The following ST7 variants were observed in gnomAD, a reference collection of about 807,000 sequenced individuals.
ST7 encodes the protein suppressor of tumorigenicity 7 protein.
A neutral mutation model predicts 78.7 loss-of-function variants in ST7; 28 were observed. The ratio of observed to expected loss-of-function variants is 0.36; its 90% CI spans 0.26 to 0.49. ST7 has a LOEUF of 0.49. ST7 is among the 20% of genes least tolerant of loss of function. ST7 has a pLI of 0.99. For missense variants in ST7, 418 were observed against 696.0 expected, an observed-to-expected ratio of 0.60 and a Z score of 4.49; for synonymous variants, 247 against 249.6, an observed-to-expected ratio of 0.99 and a Z score of 0.10.
chr7:116,979,958 C>CTTT (rs745530832), intron 1 of ST7, among the ~76,000 whole-genome samples: 3 of 86,254 alleles, frequency 3.5e-5, no homozygotes, highest in South Asian at 4.8e-4. Context: ...TTTTGTTTCT[C>CTTT]TTTTTTTTTT....
chr7:117,225,818 G>A (rs1224475496), intron 15 of ST7, among the ~76,000 whole-genome samples: 7 of 152,202 alleles, frequency 4.6e-5, no homozygotes, highest in Non-Finnish European at 1.0e-4. Context: ...CCATAAGGAA[G>A]CCCACAGGGA....
intron 6 of ST7, 47 bp downstream of exon 6, chr7:117,132,007 G>T: frequency 2.0e-6 from 3 of 1,505,202 alleles, no homozygotes; most frequent in Non-Finnish European, 2.8e-6. Flanking sequence ...CTCATCCTTT[G>T]CTGAATATAT....
At chr7:117,129,711 A>T in intron 3 of ST7, 82 bp from the exon 4 acceptor site, 1 of 1,044,946 alleles carries the variant, frequency 9.6e-7, no homozygotes, top group Non-Finnish European at 1.5e-6. Flanking sequence ...ATCAAATGGC[A>T]GGAAGGGTGT....
At chr7:117,104,727 C>T (rs996312600) in intron 2 of ST7, among the ~76,000 whole-genome samples, 1 of 152,196 alleles carries the variant, frequency 6.6e-6, no homozygotes, top group Non-Finnish European at 1.5e-5. Context: ...AAGTACCCAT[C>T]AGTTGATGAA....
chr7:116,967,118 C>CTTT (rs35773173), intron 1 of ST7, among the ~76,000 whole-genome samples: 27 of 139,472 alleles, frequency 1.9e-4, no homozygotes, highest in African/African-American at 7.1e-4. Flanking sequence ...TTCTATCACT[C>CTTT]TTTTTTTTTT....
At chr7:117,163,808 T>C (rs1807338323) in intron 9 of ST7, among the ~76,000 whole-genome samples, 1 of 152,152 alleles carries the variant, frequency 6.6e-6, no homozygotes. Flanking sequence ...ATAATCCTAT[T>C]TATTTTTGCT....
intron 1 of ST7, among the ~76,000 whole-genome samples, chr7:117,096,108 G>C (rs564151420): frequency 5.0e-5 from 7 of 140,046 alleles, no homozygotes; most frequent in African/African-American, 1.6e-4. Context: ...AGAATATCAG[G>C]AATATCCATT....
chr7:117,221,904 C>T lies in ST7; in HGVS notation c.1499-19C>T. On this transcript the variant is annotated intron_variant, in intron 14 of 15. Coordinates refer to ENST00000323984, the MANE Select transcript of ST7 (RefSeq NM_001369598.1). ...AGTTTACTCCAGCCCTGATATTTCC[C>T]TTTTGGTCTTCTCCACAGCTTTCCA... is the stretch of plus-strand genomic sequence containing the variant. 1 of 1,599,170 alleles carries T rather than the reference C, an allele frequency of 6.3e-7. No homozygotes were observed. Among genetic ancestry groups the T allele is most frequent in the Non-Finnish European group, 8.5e-7 (1 of 1,173,778 alleles).
At chr7:117,071,535 A>C (rs1319120298) in intron 1 of ST7, among the ~76,000 whole-genome samples, 9 of 152,234 alleles carry the variant, frequency 5.9e-5, no homozygotes, top group Admixed American at 2.6e-4. Context: ...CACCATATGA[A>C]AATATGGGCT....
chr7:116,987,681 G>A (rs532054408), intron 1 of ST7, among the ~76,000 whole-genome samples: 3 of 152,266 alleles, frequency 2.0e-5, no homozygotes, highest in African/African-American at 7.2e-5. Flanking sequence ...TTCACGTCTG[G>A]CATCAGTCTC....
intron 12 of ST7, among the ~76,000 whole-genome samples, chr7:117,196,624 C>CTTTTTTTTTTTTTTTTTTTTTTTTTTT (rs56133709): frequency 1.7e-5 from 1 of 59,504 alleles, no homozygotes; most frequent in African/African-American, 6.5e-5. Context: ...GATTGTTGGG[C>CTTTTTTTTTTTTTTTTTTTTTTTTTTT]TTTTTTTTTT....
chr7:116,994,251 A>C (rs965058477), intron 1 of ST7, among the ~76,000 whole-genome samples: 10 of 152,216 alleles, frequency 6.6e-5, no homozygotes, highest in African/African-American at 2.2e-4. Flanking sequence ...AAGAGGAATC[A>C]TGTAATATTT....
intron 1 of ST7, among the ~76,000 whole-genome samples, chr7:117,021,294 T>C (rs1795900753): frequency 6.6e-6 from 1 of 152,224 alleles, no homozygotes; most frequent in Non-Finnish European, 1.5e-5. Flanking sequence ...TGTAGACAGC[T>C]ACAATGGATA....
intron 3 of ST7, among the ~76,000 whole-genome samples, chr7:117,120,918 T>A (rs969135572): frequency 1.3e-5 from 2 of 152,026 alleles, no homozygotes; most frequent in African/African-American, 4.8e-5. Context: ...ACAGGGACAA[T>A]GGGAAGGGTA....
intron 3 of ST7, among the ~76,000 whole-genome samples, chr7:117,122,188 TAAA>T (rs2116960690): frequency 6.6e-6 from 1 of 152,144 alleles, no homozygotes; most frequent in Non-Finnish European, 1.5e-5. Context: ...GTTCGAGAAA[TAAA>T]AATTGGCTTC....
At chr7:117,158,550 T>A (rs1806879836) in intron 9 of ST7, among the ~76,000 whole-genome samples, 1 of 152,232 alleles carries the variant, frequency 6.6e-6, no homozygotes, top group Non-Finnish European at 1.5e-5. Context: ...AAGAACTTGT[T>A]AACTGGTGAA....
intron 9 of ST7, among the ~76,000 whole-genome samples, chr7:117,165,507 A>G (rs1807482165): frequency 6.6e-6 from 1 of 152,208 alleles, no homozygotes; most frequent in Non-Finnish European, 1.5e-5. Context: ...GTGGCAGTAG[A>G]CATATAATAT....
intron 10 of ST7, among the ~76,000 whole-genome samples, chr7:117,177,521 C>CA (rs1446218974): frequency 1.3e-5 from 2 of 152,228 alleles, no homozygotes; most frequent in African/African-American, 4.8e-5. Flanking sequence ...CCCTCTGACA[C>CA]AGACCTTCTG....
intron 9 of ST7, among the ~76,000 whole-genome samples, chr7:117,154,203 C>T (rs1806506175): frequency 6.6e-6 from 1 of 152,084 alleles, no homozygotes; most frequent in Non-Finnish European, 1.5e-5. Context: ...GACCAGTGCC[C>T]TTATAAGAAA....
Sources: allele counts gnomAD v4.1 joint callset (sites outside exome capture counted in the v4.1 genomes callset), GRCh38; gene constraint gnomAD v4.1.1; transcripts MANE v1.5; gene names NCBI Gene and HGNC (gene_info 2026-07-23, HGNC 2026-07-21).